EYS: variants seen among roughly 807,000 people sequenced by gnomAD.
The protein encoded by EYS is EGF-like photoreceptor maintenance factor, also known as protein eyes shut homolog.
In EYS, 250 loss-of-function variants were observed where a neutral mutation model predicts 282.1. The observed-to-expected ratio is 0.89, with a 90% CI of 0.80 to 0.98. The LOEUF (loss-of-function observed/expected upper bound fraction) is 0.98, where lower values mean the gene tolerates loss of function less well. Among genes scored for constraint, EYS ranks in the 50% least tolerant of loss-of-function variants. The pLI is 0.00. For synonymous variants in EYS, 1,355 were observed against 1,282.9 expected, an observed-to-expected ratio of 1.06 and a Z score of -1.20; for missense variants, 4,016 against 3,709.0, an observed-to-expected ratio of 1.08 and a Z score of -2.15.
chr6:65,039,507 T>TA lies in EYS; in HGVS notation c.2137+18106dup, dbSNP rs905973108. Among the ~76,000 whole-genome samples the TA allele has an allele frequency of 1.1e-4, 17 of 151,452 alleles. No individual in the cohort carries two copies. The East Asian group carries it at 2.3e-3, about 21-fold the overall frequency. ...ATATCTTAAAACACATGTCAATTTT[T>TA]AAAAAAAACTACTTGCATTAGAAGA... On this transcript the variant is annotated intron_variant, in intron 13 of 42. Coordinates refer to ENST00000503581, the MANE Select transcript of EYS (RefSeq NM_001142800.2).
chr6:64,559,055 C>A (rs142952645), intron 26 of EYS, among the ~76,000 whole-genome samples: 1 of 152,038 alleles, frequency 6.6e-6, no homozygotes, highest in Non-Finnish European at 1.5e-5. Context: ...ATTTCCAGTA[C>A]CAAAAATTTT....
At chr6:64,441,631 T>A (rs889525610) in intron 26 of EYS, among the ~76,000 whole-genome samples, 4 of 152,150 alleles carry the variant, frequency 2.6e-5, no homozygotes, top group African/African-American at 9.7e-5. Flanking sequence ...CTCCCACAAT[T>A]CCCATGTGTT....
chr6:64,143,035 T>C (rs918020642), intron 31 of EYS, among the ~76,000 whole-genome samples: 1 of 152,140 alleles, frequency 6.6e-6, no homozygotes, highest in Non-Finnish European at 1.5e-5. Flanking sequence ...GGAAGAAATG[T>C]AAACGCATAT....
chr6:64,596,999 C>G lies in EYS; in HGVS notation c.3685-3690G>C, dbSNP rs535812576. On this transcript the variant is annotated intron_variant, in intron 24 of 42. Coordinates refer to ENST00000503581, the MANE Select transcript of EYS (RefSeq NM_001142800.2). ...AATATTTAAAATTTTACAAGGACCTCAAACAACTCAACAACAATAAAAAAT... is the reference window on the plus strand; with the variant it reads ...AATATTTAAAATTTTACAAGGACCTGAAACAACTCAACAACAATAAAAAAT... Among the ~76,000 whole-genome samples, 20 of 152,070 alleles carry G rather than the reference C, an allele frequency of 1.3e-4. 1 individual carries two copies. In the South Asian group the frequency reaches 4.0e-3, roughly 30 times the overall value.
At chr6:64,305,096 A>C (rs1769389741) in intron 30 of EYS, among the ~76,000 whole-genome samples, 1 of 152,212 alleles carries the variant, frequency 6.6e-6, no homozygotes, top group Non-Finnish European at 1.5e-5. Context: ...AGAAGACTCA[A>C]TTAACTGAAC....
chr6:64,751,731 C>G (rs1298974848), intron 22 of EYS, among the ~76,000 whole-genome samples: 1 of 152,200 alleles, frequency 6.6e-6, no homozygotes, highest in African/African-American at 2.4e-5. Flanking sequence ...AGAAAATCTG[C>G]TGACAAGAGT....
intron 22 of EYS, among the ~76,000 whole-genome samples, chr6:64,676,548 A>G (rs1769691854): frequency 6.6e-6 from 1 of 152,192 alleles, no homozygotes; most frequent in South Asian, 2.1e-4. Flanking sequence ...AATACATACC[A>G]GTAAACCTAC....
chr6:64,660,038 A>T (rs1286043053), intron 22 of EYS, among the ~76,000 whole-genome samples: 1 of 152,218 alleles, frequency 6.6e-6, no homozygotes, highest in Admixed American at 6.5e-5. Flanking sequence ...CTTATCCACT[A>T]TGATCAAGCA....
chr6:64,761,480 T>G (rs543461825), intron 22 of EYS, among the ~76,000 whole-genome samples: 1 of 152,294 alleles, frequency 6.6e-6, no homozygotes, highest in African/African-American at 2.4e-5. Flanking sequence ...TGATTAGTAT[T>G]ATTTTATTTA....
chr6:64,865,148 T>C (rs188768015), intron 19 of EYS, among the ~76,000 whole-genome samples: 1 of 152,300 alleles, frequency 6.6e-6, no homozygotes, highest in African/African-American at 2.4e-5. Flanking sequence ...CAAAAGCCAA[T>C]TATCTAGGGA....
In EYS at chr6:65,096,583, T is replaced by C. The variant is rs1774745675; in HGVS notation, c.2024-38856A>G. Among the ~76,000 whole-genome samples the C allele has an allele frequency of 2.0e-5, 3 of 150,926 alleles. No individual in the cohort carries two copies. In the Admixed American group the frequency reaches 2.0e-4, roughly 10 times the overall value. ...GCTGGAGACATCATACTTTCAGAAT[T>C]CAGATATTACAAAGCTATGACAATT... On this transcript the variant is annotated intron_variant, in intron 12 of 42. Coordinates refer to ENST00000503581, the MANE Select transcript of EYS (RefSeq NM_001142800.2).
intron 2 of EYS, among the ~76,000 whole-genome samples, chr6:65,540,044 C>T (rs1380294607): frequency 6.6e-6 from 1 of 152,132 alleles, no homozygotes; most frequent in Non-Finnish European, 1.5e-5. Context: ...TGATATATTC[C>T]CATGTCTTTG....
intron 12 of EYS, among the ~76,000 whole-genome samples, chr6:65,229,603 G>C (rs1311497483): frequency 6.6e-6 from 1 of 151,910 alleles, no homozygotes; most frequent in Non-Finnish European, 1.5e-5. Flanking sequence ...AGACAAGAGT[G>C]CAGATGGGTG....
intron 41 of EYS, among the ~76,000 whole-genome samples, chr6:63,737,467 A>T (rs561511213): frequency 1.5e-3 from 226 of 152,098 alleles, no homozygotes; most frequent in African/African-American, 5.1e-3. Flanking sequence ...AAGCTTTTTG[A>T]TGTGCTGTTG....
chr6:64,800,742 C>T (rs1774515770), intron 22 of EYS, among the ~76,000 whole-genome samples: 1 of 151,608 alleles, frequency 6.6e-6, no homozygotes, highest in African/African-American at 2.4e-5. Context: ...TACGTTTTTA[C>T]TTAAAAAATA....
At chr6:64,406,251 C>T (rs1582712282) in intron 28 of EYS, among the ~76,000 whole-genome samples, 2 of 152,270 alleles carry the variant, frequency 1.3e-5, no homozygotes, top group East Asian at 3.9e-4. Context: ...GGAAAATAGG[C>T]TAGCCATATG....
intron 41 of EYS, among the ~76,000 whole-genome samples, chr6:63,755,622 TG>T (rs1282588726): frequency 6.6e-6 from 1 of 152,234 alleles, no homozygotes; most frequent in African/African-American, 2.4e-5. Flanking sequence ...AGCTCTTTTT[TG>T]GTTCCCTATG....
chr6:65,227,150 A>G (rs368558010), intron 12 of EYS, among the ~76,000 whole-genome samples: 1 of 149,466 alleles, frequency 6.7e-6, no homozygotes, highest in Non-Finnish European at 1.5e-5. Flanking sequence ...AAAAACAACA[A>G]CAACAACCAA....
chr6:64,338,644 A>G (rs1478536857), intron 29 of EYS, among the ~76,000 whole-genome samples: 1 of 152,060 alleles, frequency 6.6e-6, no homozygotes, highest in Non-Finnish European at 1.5e-5. Flanking sequence ...TCTAAAATTC[A>G]TATGGAACCA....
Sources: gnomAD v4.1 joint callset for allele counts (sites outside exome capture counted in the v4.1 genomes callset) on GRCh38, gnomAD v4.1.1 for gene constraint, MANE v1.5 for transcripts, NCBI Gene and HGNC (gene_info 2026-07-23, HGNC 2026-07-21) for gene names.